The following NEDD8 variants were observed in gnomAD, a reference collection of about 807,000 sequenced individuals.
NEDD8 encodes the protein NEDD8 ubiquitin like modifier.
NEDD8 carries 1 observed loss-of-function variant against 13.8 expected under a neutral mutation model. The ratio of observed to expected loss-of-function variants is 0.07; its 90% CI spans 0.03 to 0.34. The LOEUF (loss-of-function observed/expected upper bound fraction) is 0.34, where lower values mean the gene tolerates loss of function less well. Among genes scored for constraint, NEDD8 ranks in the 10% least tolerant of loss-of-function variants. The probability of loss-of-function intolerance (pLI) is 0.99; values close to 1 mark genes in which losing one functional copy is unlikely to be tolerated. For synonymous variants in NEDD8, 31 were observed against 33.2 expected (o/e 0.93, Z 0.23); for missense variants, 10 against 95.2 (o/e 0.10, Z 3.73).
chr14:24,224,190 G>A (rs28820604), intron 1 of NEDD8, among the ~76,000 whole-genome samples: 2,731 of 151,784 alleles, frequency 0.018, 75 homozygotes, highest in African/African-American at 0.063. Flanking sequence ...CGGCCTCCCA[G>A]AGTGCTGGGA....
At chr14:24,224,048 C>G (rs1013643457) in intron 1 of NEDD8, among the ~76,000 whole-genome samples, 3 of 152,074 alleles carry the variant, frequency 2.0e-5, no homozygotes, top group African/African-American at 7.2e-5. Context: ...CTGCCTCAGC[C>G]TCCAGAGTAG....
intron 2 of NEDD8, 55 bp downstream of exon 2, chr14:24,218,329 T>C: frequency 6.2e-7 from 1 of 1,614,118 alleles, no homozygotes; most frequent in Non-Finnish European, 8.5e-7. Context: ...CATAAGCATA[T>C]GCAAACAAAT....
chr14:24,229,110 C>T (rs1355330713), intron 1 of NEDD8, among the ~76,000 whole-genome samples: 1 of 152,184 alleles, frequency 6.6e-6, no homozygotes, highest in Non-Finnish European at 1.5e-5. Flanking sequence ...AACCTGTGCC[C>T]CACCTTAGAC....
intron 1 of NEDD8, among the ~76,000 whole-genome samples, chr14:24,223,697 C>T (rs2039843817): frequency 1.3e-5 from 2 of 150,242 alleles, no homozygotes; most frequent in African/African-American, 4.9e-5. Context: ...TACAAGCACA[C>T]ACCACCATGC....
chr14:24,230,327 G>A (rs1566670573), intron 1 of NEDD8, among the ~76,000 whole-genome samples: 1 of 147,884 alleles, frequency 6.8e-6, no homozygotes, highest in South Asian at 2.1e-4. Context: ...GAGGTCAGGA[G>A]ATCGAGACCA....
At position 24,225,369 on chromosome 14, in the gene NEDD8, A is replaced by G. The variant is rs986899319; in HGVS notation, c.18+6881T>C. Among the ~76,000 whole-genome samples the G allele has an allele frequency of 4.6e-5, 7 of 152,148 alleles. No homozygotes were observed. The East Asian group carries it at 1.2e-3, about 25-fold the overall frequency. ...TCAAACTGTTAATAAAAAAAGAGAG[A>G]GAGACAATAGGGTAATTTGATGATA... On this transcript the variant is annotated intron_variant, in intron 1 of 3. Transcript: ENST00000250495.
At chr14:24,230,990 AT>A (rs1046147729) in intron 1 of NEDD8, among the ~76,000 whole-genome samples, 2 of 151,088 alleles carry the variant, frequency 1.3e-5, no homozygotes, top group Non-Finnish European at 2.9e-5. Flanking sequence ...CCCAGGATCA[AT>A]CAATCCTCCC....
chr14:24,230,496 C>T (rs2039975443), intron 1 of NEDD8, among the ~76,000 whole-genome samples: 1 of 118,628 alleles, frequency 8.4e-6, no homozygotes, highest in Non-Finnish European at 1.7e-5. Context: ...GATGGCGCCA[C>T]TGCACTCCAG....
chr14:24,230,207 A>G, intron 1 of NEDD8, among the ~76,000 whole-genome samples: 1 of 133,814 alleles, frequency 7.5e-6, no homozygotes, highest in African/African-American at 2.9e-5. Context: ...CAACAGAGTG[A>G]GACTCTGTCT....
At chr14:24,230,175 A>T (rs1289160380) in intron 1 of NEDD8, among the ~76,000 whole-genome samples, 1 of 150,224 alleles carries the variant, frequency 6.7e-6, no homozygotes, top group Non-Finnish European at 1.5e-5. Context: ...ATATAAAATA[A>T]AATAAAAAAT....
chr14:24,221,744 T>G (rs1380782691), intron 1 of NEDD8, among the ~76,000 whole-genome samples: 1 of 151,892 alleles, frequency 6.6e-6, no homozygotes, highest in Non-Finnish European at 1.5e-5. Flanking sequence ...ACTACAGGCA[T>G]GCACCACCAC....
intron 1 of NEDD8, among the ~76,000 whole-genome samples, chr14:24,231,332 A>T (rs1429783442): frequency 6.6e-6 from 1 of 152,220 alleles, no homozygotes; most frequent in African/African-American, 2.4e-5. Flanking sequence ...TTAGCTAAGA[A>T]GTAGTTTGGA....
intron 1 of NEDD8, among the ~76,000 whole-genome samples, chr14:24,225,911 C>T (rs1249540106): frequency 1.3e-5 from 2 of 151,888 alleles, no homozygotes; most frequent in African/African-American, 2.4e-5. Flanking sequence ...TGTGGTGGCA[C>T]GCACCTGTAT....
At chr14:24,232,050 G>A in intron 1 of NEDD8, 200 bp downstream of exon 1, 1 of 715,848 alleles carries the variant, frequency 1.4e-6, no homozygotes, top group Non-Finnish European at 2.2e-6. Flanking sequence ...AATACCCCAG[G>A]GTCGTCAGGT....
At chr14:24,229,733 C>A (rs1418929653) in intron 1 of NEDD8, among the ~76,000 whole-genome samples, 3 of 152,168 alleles carry the variant, frequency 2.0e-5, no homozygotes, top group Non-Finnish European at 4.4e-5. Flanking sequence ...AACTTAACTT[C>A]TTTGGACCTA....
At chr14:24,221,238 C>T (rs1237642614) in intron 1 of NEDD8, among the ~76,000 whole-genome samples, 1 of 150,962 alleles carries the variant, frequency 6.6e-6, no homozygotes, top group Non-Finnish European at 1.5e-5. Flanking sequence ...TTTAAAAAGA[C>T]AAAATAAAAA....
chr14:24,224,704 G>A (rs1486059647), intron 1 of NEDD8, among the ~76,000 whole-genome samples: 1 of 152,092 alleles, frequency 6.6e-6, no homozygotes, highest in Non-Finnish European at 1.5e-5. Flanking sequence ...ATGTATCTAG[G>A]AAATGACTAA....
rs1441461728 is a variant in NEDD8 at position 24,232,358 on chromosome 14, G to A, written c.-91C>T. On this transcript the variant is annotated 5_prime_UTR_variant, in exon 1 of 4. Coordinates refer to ENST00000250495, the MANE Select transcript of NEDD8 (RefSeq NM_006156.3). Reference sequence around the variant, plus strand: ...GCCCTCCAGCACTCTTGCCTGCAAGGGCCACTTCTACTTCCGGGTCACTGT... The same window carrying A: ...GCCCTCCAGCACTCTTGCCTGCAAGAGCCACTTCTACTTCCGGGTCACTGT... 2.7e-5 allele frequency: 39 copies of A among 1,464,326 alleles called. No homozygotes were observed. Among genetic ancestry groups the A allele is most frequent in the Admixed American group, 2.0e-4 (11 of 55,596 alleles). The allele number at this position is 1,464,326 out of a possible 1,614,324, so 90.7% of individuals were successfully genotyped here. A position where few individuals can be genotyped will look rare whatever the true frequency, so the allele number is the denominator to read the frequency against.
chr14:24,232,115 C>T (rs1341452861), intron 1 of NEDD8, 135 bp downstream of exon 1: 2 of 1,405,668 alleles, frequency 1.4e-6, no homozygotes, highest in Non-Finnish European at 1.9e-6. Context: ...TCCCACCACC[C>T]CTCGCGCGGA....
Sources: allele counts gnomAD v4.1 joint callset (sites outside exome capture counted in the v4.1 genomes callset), GRCh38; gene constraint gnomAD v4.1.1; transcripts MANE v1.5; gene names NCBI Gene and HGNC (gene_info 2026-07-23, HGNC 2026-07-21).